The following DOK5 variants were observed in gnomAD, a reference collection of about 807,000 sequenced individuals.
DOK5 encodes the protein downstream of tyrosine kinase 5.
DOK5 carries 27 observed loss-of-function variants against 43.3 expected under a neutral mutation model. The observed-to-expected ratio is 0.62, with a 90% CI of 0.46 to 0.86. The LOEUF (loss-of-function observed/expected upper bound fraction) is 0.86. Ranked by LOEUF, DOK5 falls within the 40% of genes least tolerant of loss-of-function variation. The pLI is 0.00. For synonymous variants in DOK5, 146 were observed against 140.1 expected, an observed-to-expected ratio of 1.04 and a Z score of -0.30; for missense variants, 373 against 392.9, an observed-to-expected ratio of 0.95 and a Z score of 0.43.
At chr20:54,642,755 C>A (rs909745375) in intron 6 of DOK5, among the ~76,000 whole-genome samples, 4 of 151,858 alleles carry the variant, frequency 2.6e-5, no homozygotes, top group Admixed American at 6.6e-5. Context: ...AACAGAAAAA[C>A]CCCAAACTGA....
chr20:54,528,800 A>T (rs1418728365), intron 1 of DOK5, among the ~76,000 whole-genome samples: 3 of 152,128 alleles, frequency 2.0e-5, no homozygotes, highest in African/African-American at 7.2e-5. Flanking sequence ...GAACCCTTCC[A>T]TTTTCTTCTT....
intron 2 of DOK5, among the ~76,000 whole-genome samples, chr20:54,586,892 G>T (rs1985820713): frequency 6.6e-6 from 1 of 152,028 alleles, no homozygotes; most frequent in Non-Finnish European, 1.5e-5. Context: ...GATAGCGTGG[G>T]CAAGACCACA....
At chr20:54,481,050 T>TATC (rs1568746373) in intron 1 of DOK5, among the ~76,000 whole-genome samples, 3 of 117,838 alleles carry the variant, frequency 2.5e-5, no homozygotes, top group African/African-American at 1.3e-4. Context: ...ATCTATCATC[T>TATC]GTCTATCATC....
intron 5 of DOK5, among the ~76,000 whole-genome samples, chr20:54,607,080 A>C (rs1467024028): frequency 6.6e-6 from 1 of 152,258 alleles, no homozygotes; most frequent in Non-Finnish European, 1.5e-5. Context: ...TAAACATAAT[A>C]GAATGCAGGA....
At chr20:54,542,324 A>C (rs1984191781) in intron 1 of DOK5, among the ~76,000 whole-genome samples, 2 of 152,202 alleles carry the variant, frequency 1.3e-5, no homozygotes, top group African/African-American at 4.8e-5. Flanking sequence ...TTTAAATAGA[A>C]TGCTCACCCA....
chr20:54,596,057 T>C (rs144447557), intron 5 of DOK5, among the ~76,000 whole-genome samples: 159 of 152,340 alleles, frequency 1.0e-3, no homozygotes, highest in African/African-American at 3.7e-3. Flanking sequence ...GCTTGCAGGA[T>C]AGTGTTAAAT....
chr20:54,500,622 C>T (rs1228850432), intron 1 of DOK5, among the ~76,000 whole-genome samples: 2 of 141,256 alleles, frequency 1.4e-5, no homozygotes, highest in Non-Finnish European at 3.0e-5. Flanking sequence ...AGTATAGTGG[C>T]ACGATCTCGG....
At chr20:54,509,978 C>T (rs188895377) in intron 1 of DOK5, among the ~76,000 whole-genome samples, 1 of 152,106 alleles carries the variant, frequency 6.6e-6, no homozygotes, top group Non-Finnish European at 1.5e-5. Context: ...GGAGGGAGAG[C>T]ATTAGGGAAA....
At chr20:54,519,209 T>C (rs374909366) in intron 1 of DOK5, among the ~76,000 whole-genome samples, 181 of 152,354 alleles carry the variant, frequency 1.2e-3, no homozygotes, top group African/African-American at 4.2e-3. Flanking sequence ...ATATATATTG[T>C]GTCTCAGTTA....
At chr20:54,508,404 G>A (rs6023327) in intron 1 of DOK5, among the ~76,000 whole-genome samples, 2,268 of 150,304 alleles carry the variant, frequency 0.015, 62 homozygotes, top group African/African-American at 0.053. Context: ...GAATTGCACA[G>A]GCAAAGGGCT....
intron 1 of DOK5, among the ~76,000 whole-genome samples, chr20:54,533,922 C>A (rs1013629431): frequency 1.3e-5 from 2 of 151,942 alleles, no homozygotes; most frequent in Non-Finnish European, 2.9e-5. Flanking sequence ...TTTCAGCTAG[C>A]AGTATTTATA....
At chr20:54,507,926 C>T (rs1982870027) in intron 1 of DOK5, among the ~76,000 whole-genome samples, 1 of 152,064 alleles carries the variant, frequency 6.6e-6, no homozygotes, top group Admixed American at 6.5e-5. Context: ...ATTGAGAACC[C>T]GTGGAGGATT....
chr20:54,572,029 G>A (rs1025547905), intron 2 of DOK5, among the ~76,000 whole-genome samples: 44 of 152,118 alleles, frequency 2.9e-4, no homozygotes, highest in Non-Finnish European at 8.8e-5. Flanking sequence ...ACTCAGAAAT[G>A]ATGGCCTCTC....
chr20:54,641,095 T>A (rs1197948082), intron 6 of DOK5, among the ~76,000 whole-genome samples: 18 of 152,190 alleles, frequency 1.2e-4, no homozygotes, highest in Admixed American at 1.2e-3. Flanking sequence ...AAATACATTT[T>A]AAAAATTAAA....
At chr20:54,646,248 GTTTTTTT>G (rs386394048) in intron 7 of DOK5, among the ~76,000 whole-genome samples, 47 of 79,916 alleles carry the variant, frequency 5.9e-4, no homozygotes, top group Non-Finnish European at 7.6e-4. Flanking sequence ...TGGTTATACT[GTTTTTTT>G]TTTTTTTTTT....
intron 6 of DOK5, among the ~76,000 whole-genome samples, chr20:54,616,784 C>CTTTTTTT (rs550110589): frequency 9.5e-6 from 1 of 105,758 alleles, no homozygotes; most frequent in Non-Finnish European, 1.8e-5. Flanking sequence ...TTTTTTTTTT[C>CTTTTTTT]TTTTTTTTTT....
intron 4 of DOK5, among the ~76,000 whole-genome samples, chr20:54,590,031 A>G (rs1001223026): frequency 8.5e-5 from 13 of 152,208 alleles, no homozygotes; most frequent in African/African-American, 2.9e-4. Flanking sequence ...CCAAGCATAA[A>G]GAAAACCTGG....
chr20:54,635,715 T>C (rs1205113649), intron 6 of DOK5, among the ~76,000 whole-genome samples: 1 of 152,240 alleles, frequency 6.6e-6, no homozygotes, highest in Non-Finnish European at 1.5e-5. Context: ...TCTCAGGATC[T>C]TGTGGGGCTT....
chr20:54,494,174 G>A (rs550172424), intron 1 of DOK5, among the ~76,000 whole-genome samples: 1 of 152,274 alleles, frequency 6.6e-6, no homozygotes, highest in East Asian at 1.9e-4. Context: ...AATGAATGAT[G>A]AGTGAATGAA....
Sources: allele counts gnomAD v4.1 joint callset (sites outside exome capture counted in the v4.1 genomes callset), GRCh38; gene constraint gnomAD v4.1.1; transcripts MANE v1.5; gene names NCBI Gene and HGNC (gene_info 2026-07-23, HGNC 2026-07-21).